Variants in LDB3 observed in about 807,000 individuals in gnomAD.
The protein encoded by LDB3 is LIM domain-binding protein 3.
In LDB3, 49 loss-of-function variants were observed where a neutral mutation model predicts 69.0. The ratio of observed to expected loss-of-function variants is 0.71; its 90% CI spans 0.56 to 0.90. LDB3 has a LOEUF of 0.90. LDB3 is among the 40% of genes least tolerant of loss of function. The pLI, the probability that LDB3 is intolerant of heterozygous loss-of-function variation, is 0.00. For synonymous variants in LDB3, 387 were observed against 396.2 expected (o/e 0.98, Z 0.28); for missense variants, 928 against 974.1 (o/e 0.95, Z 0.63).
At chr10:86,716,180 G>T in intron 9 of LDB3, 147 bp from the exon 10 acceptor site, 1 of 888,964 alleles carries the variant, frequency 1.1e-6, no homozygotes, top group Non-Finnish European at 1.8e-6. Context: ...CCATCAAGAA[G>T]TTCAGGAACA....
rs1846590128 is a variant in LDB3, at chr10:86,710,104, A to G, written c.1231+54A>G. ...TCGAAAGCCATGGGCGGGCTCCAGG[A>G]GCCACAAGAGCCAAGAAGTGGCTCT... On this transcript the variant is annotated intron_variant, in intron 9 of 13. Coordinates refer to ENST00000361373, the MANE Select transcript of LDB3 (RefSeq NM_007078.3). 3.1e-6 allele frequency: 5 copies of G among 1,598,082 alleles called. No homozygotes were observed. In the Admixed American group the frequency reaches 8.5e-5, roughly 27 times the overall value.
Position 86,699,182 on chromosome 10 carries a change from A to G in LDB3, c.896+6611A>G, listed in dbSNP as rs760251992. On this transcript the variant is annotated intron_variant, in intron 7 of 13. Transcript: ENST00000361373. The surrounding 1 kb of genome is among the most constrained non-coding windows in gnomAD (Gnocchi z 4.9). ...TGTTAGACAGGGGAATGGTGAACAC[A>G]TTCCCTAACCCCTTTCATTCTCCCT... 5.1e-6 allele frequency: 7 copies of G among 1,374,114 alleles called. No individual in the cohort carries two copies. The highest frequency in any genetic ancestry group is 7.1e-6 in the Non-Finnish European group (7 of 988,602). The allele number at this position is 1,374,114 out of a possible 1,614,324, so 85.1% of individuals were successfully genotyped here.
chr10:86,673,872 G>T (rs1253839436), intron 2 of LDB3, among the ~76,000 whole-genome samples: 1 of 152,212 alleles, frequency 6.6e-6, no homozygotes, highest in Admixed American at 6.5e-5. Context: ...GGCCAGAAAC[G>T]TCTGCAGAGC....
chr10:86,720,479 G>T (rs985353855), intron 12 of LDB3, among the ~76,000 whole-genome samples: 4 of 152,076 alleles, frequency 2.6e-5, no homozygotes, highest in Admixed American at 6.5e-5. Context: ...AACGTCTTGG[G>T]TTCTTGTACT....
chr10:86,686,026 T>C (rs1209525117), intron 5 of LDB3, among the ~76,000 whole-genome samples: 1 of 151,998 alleles, frequency 6.6e-6, no homozygotes, highest in African/African-American at 2.4e-5. Context: ...GCTGGGCCTG[T>C]GTGAGCCTGA....
At chr10:86,705,230 C>G (rs369115328) in intron 7 of LDB3, among the ~76,000 whole-genome samples, 3 of 152,166 alleles carry the variant, frequency 2.0e-5, no homozygotes, top group East Asian at 3.9e-4. Context: ...AGTTGTAGGA[C>G]CTTGAGCAAC....
intron 7 of LDB3, among the ~76,000 whole-genome samples, chr10:86,704,896 A>T (rs947836966): frequency 1.3e-5 from 2 of 151,774 alleles, no homozygotes; most frequent in African/African-American, 4.8e-5. Context: ...TTTGTTTCTT[A>T]GTAGAGACAA....
At chr10:86,671,611 G>A (rs1288815475) in intron 2 of LDB3, among the ~76,000 whole-genome samples, 1 of 152,196 alleles carries the variant, frequency 6.6e-6, no homozygotes, top group East Asian at 1.9e-4. Context: ...GGAGAAGGGG[G>A]AGCAGCCCAG....
intron 7 of LDB3, among the ~76,000 whole-genome samples, chr10:86,706,097 C>CT (rs571774282): frequency 2.0e-5 from 3 of 152,174 alleles, no homozygotes; most frequent in Non-Finnish European, 4.4e-5. Flanking sequence ...CTTCACTCTG[C>CT]TTTTTTTGCT....
chr10:86,728,932 G>A (rs1847364487), intron 13 of LDB3, among the ~76,000 whole-genome samples: 1 of 145,066 alleles, frequency 6.9e-6, no homozygotes, highest in Non-Finnish European at 1.5e-5. Flanking sequence ...AACTTTGAGG[G>A]ACTTGAGGGA....
At chr10:86,695,635 G>A (rs950176456) in intron 7 of LDB3, among the ~76,000 whole-genome samples, 2 of 152,218 alleles carry the variant, frequency 1.3e-5, no homozygotes, top group Non-Finnish European at 1.5e-5. Flanking sequence ...TGACGCTGTG[G>A]CTCCCCAGTT....
At position 86,699,239 on chromosome 10, in the gene LDB3, T is replaced by TTCTC. The variant is rs71019410; in HGVS notation, c.896+6694_896+6697dup. 1,705 of 1,562,836 alleles carry TTCTC rather than the reference T, an allele frequency of 1.1e-3. 1 individual carries two copies. The highest frequency in any genetic ancestry group is 2.5e-3 in the Admixed American group (151 of 59,354). ...TCTCTCTTTCTGTCTCTGTCTCTGT[T>TTCTC]TCTCTCTCTCTCTCTCTCTCTCTCT... On this transcript the variant is annotated intron_variant, in intron 7 of 13. Transcript: ENST00000361373. The surrounding 1 kb of genome is among the most constrained non-coding windows in gnomAD (Gnocchi z 4.9).
chr10:86,687,115 G>C, intron 5 of LDB3: 1 of 1,614,138 alleles, frequency 6.2e-7, no homozygotes, highest in East Asian at 2.2e-5. Context: ...GAAGGACTCG[G>C]CCCTGTCCAC....
chr10:86,702,831 C>T (rs1224218566), intron 7 of LDB3, among the ~76,000 whole-genome samples: 2 of 152,160 alleles, frequency 1.3e-5, no homozygotes, highest in Non-Finnish European at 1.5e-5. Flanking sequence ...TCTGCCTTCC[C>T]TAGCCCTGGC....
In LDB3 at chr10:86,718,091, T is replaced by C. The variant is rs1589676818; in HGVS notation, c.1804T>C (p.Tyr602His). ...GAACAACGTTTACTGTGAGCGATGT[T>C]ATGAGCAATTCTTTGCCCCGCTGTG... ...EQNNVYCERC[Y>H]EQFFAPLCAK... is the part of the protein sequence containing the mutation. Residue 602 changes from tyrosine (Y) to histidine (H), a missense_variant, in exon 11 of 14, where the codon TAT becomes CAT. By Grantham distance (83) the Tyr-to-His change is moderately conservative (BLOSUM62 2). Transcript: ENST00000361373. 6.2e-7 allele frequency: 1 copy of C among 1,614,180 alleles called. No individual in the cohort carries two copies.
intron 9 of LDB3, among the ~76,000 whole-genome samples, chr10:86,714,675 C>A (rs1345079481): frequency 6.6e-6 from 1 of 151,556 alleles, no homozygotes; most frequent in Non-Finnish European, 1.5e-5. Flanking sequence ...CCTGCCTCAG[C>A]CTCCTGAGTA....
intron 5 of LDB3, among the ~76,000 whole-genome samples, chr10:86,687,517 T>C (rs540119563): frequency 1.6e-4 from 24 of 152,336 alleles, no homozygotes; most frequent in African/African-American, 5.5e-4. Flanking sequence ...TCAAAGTGCT[T>C]TTCACAGCCT....
chr10:86,732,453 A>G (rs1409272866), intron 13 of LDB3: 1 of 453,934 alleles, frequency 2.2e-6, no homozygotes, highest in East Asian at 7.0e-5. Flanking sequence ...TCATAGTGGG[A>G]GAAATAGGCT....
intron 12 of LDB3, among the ~76,000 whole-genome samples, chr10:86,724,044 C>T (rs1847173747): frequency 6.6e-6 from 1 of 152,234 alleles, no homozygotes; most frequent in Non-Finnish European, 1.5e-5. Context: ...GGCGCGGTGG[C>T]TCATGCCTGT....
Sources: allele counts gnomAD v4.1 joint callset (sites outside exome capture counted in the v4.1 genomes callset), GRCh38; gene constraint gnomAD v4.1.1; non-coding constraint Gnocchi (gnomAD v3.1); transcripts MANE v1.5; gene names NCBI Gene and HGNC (gene_info 2026-07-23, HGNC 2026-07-21).